KIAA1549: variants seen among roughly 807,000 people sequenced by gnomAD.
The protein encoded by KIAA1549 is UPF0606 protein KIAA1549.
In KIAA1549, 70 loss-of-function variants were observed where a neutral mutation model predicts 156.4. The ratio of observed to expected loss-of-function variants is 0.45; its 90% confidence interval spans 0.37 to 0.55. The LOEUF is 0.55. Among genes scored for constraint, KIAA1549 ranks in the 20% least tolerant of loss-of-function variants. The pLI is 0.00. For synonymous variants in KIAA1549, 1,103 were observed against 1,066.4 expected (o/e 1.03, Z -0.67); for missense variants, 2,428 against 2,540.9 (o/e 0.96, Z 0.96).
At position 138,837,011 on chromosome 7, in the gene KIAA1549, C is replaced by T. The variant is rs368544875; in HGVS notation, c.*895G>A. The T allele has an allele frequency of 8.9e-4, 203 of 228,948 alleles. No individual in the cohort carries two copies. Among genetic ancestry groups the T allele is most frequent in the African/African-American group, 3.0e-3 (137 of 45,230 alleles). The allele number at this position is 228,948 out of a possible 1,614,324, so 14.2% of individuals were successfully genotyped here. A position where few individuals can be genotyped will look rare whatever the true frequency, so the allele number is the denominator to read the frequency against. On this transcript the variant is annotated 3_prime_UTR_variant, in exon 20 of 20. Transcript: ENST00000422774. Reference sequence around the variant, plus strand: ...GGATCAGTTAGGACCTCTTGAAAGCCGCATTCTACAGGATCGGCCTTAGCG... The same window carrying T: ...GGATCAGTTAGGACCTCTTGAAAGCTGCATTCTACAGGATCGGCCTTAGCG...
chr7:138,938,084 C>A (rs540016549), intron 1 of KIAA1549, among the ~76,000 whole-genome samples: 3 of 152,220 alleles, frequency 2.0e-5, no homozygotes, highest in Admixed American at 6.5e-5. Flanking sequence ...GTGACTAGGT[C>A]ATGAGGGCCC....
chr7:138,907,163 T>A, intron 5 of KIAA1549, 61 bp from the exon 6 acceptor site: 2 of 1,322,728 alleles, frequency 1.5e-6, no homozygotes, highest in Non-Finnish European at 9.9e-7. Flanking sequence ...AGCTTAACCA[T>A]GATTTCTCTC....
Position 138,844,620 on chromosome 7 carries a change from T to C in KIAA1549, c.5295-146A>G, listed in dbSNP as rs896611570. 1.1e-5 allele frequency: 8 copies of C among 748,844 alleles called. No homozygotes were observed. The Admixed American group carries it at 2.5e-4, about 24-fold the overall frequency. 46.4% of individuals were successfully genotyped at this position (748,844 alleles called of 1,614,324 possible). ...CTCTCCTGGAAGGGGAAGAGATGTT[T>C]CTCCTGCTCCCTGAGGGAAGGGACT... On this transcript the variant is annotated intron_variant, in intron 17 of 19. Transcript: ENST00000422774.
chr7:138,935,069 C>G (rs1164795588), intron 1 of KIAA1549, among the ~76,000 whole-genome samples: 2 of 152,212 alleles, frequency 1.3e-5, no homozygotes, highest in African/African-American at 2.4e-5. Context: ...ATTTCCTCCT[C>G]TAAAGATGGA....
chr7:138,972,136 G>C (rs1814238200), intron 1 of KIAA1549, among the ~76,000 whole-genome samples: 1 of 151,976 alleles, frequency 6.6e-6, no homozygotes, highest in South Asian at 2.1e-4. Context: ...ACAGTCCTCT[G>C]GGAACTTTCT....
intron 9 of KIAA1549, among the ~76,000 whole-genome samples, chr7:138,898,529 C>G (rs921060106): frequency 1.2e-4 from 18 of 152,016 alleles, no homozygotes; most frequent in African/African-American, 3.9e-4. Context: ...TGAAGGAAAC[C>G]AATAAATTCA....
At chr7:138,910,938 AGG>A (rs1369979107) in intron 4 of KIAA1549, among the ~76,000 whole-genome samples, 1 of 152,088 alleles carries the variant, frequency 6.6e-6, no homozygotes, top group African/African-American at 2.4e-5. Flanking sequence ...AGGCTGAGGC[AGG>A]AGGATTGTTC....
intron 1 of KIAA1549, among the ~76,000 whole-genome samples, chr7:138,947,382 G>A (rs1482863877): frequency 3.9e-5 from 6 of 152,028 alleles, no homozygotes; most frequent in South Asian, 4.2e-4. Context: ...TGAAAAACCC[G>A]AAAACGCTGA....
intron 1 of KIAA1549, among the ~76,000 whole-genome samples, chr7:138,980,155 C>G (rs1371307255): frequency 6.6e-6 from 1 of 152,226 alleles, no homozygotes; most frequent in African/African-American, 2.4e-5. Context: ...TGCAGCAGCT[C>G]TCCACCCCTA....
At chr7:138,944,119 A>T (rs947407278) in intron 1 of KIAA1549, among the ~76,000 whole-genome samples, 6 of 151,300 alleles carry the variant, frequency 4.0e-5, no homozygotes, top group Non-Finnish European at 8.8e-5. Flanking sequence ...AGATTACCAT[A>T]TACTGTTATT....
In KIAA1549 at chr7:138,917,361, A is replaced by T. The variant is rs1389352756; in HGVS notation, c.2265T>A (p.Leu755=). 2 of 1,613,948 alleles carry T rather than the reference A, an allele frequency of 1.2e-6. No individual in the cohort carries two copies. Among genetic ancestry groups the T allele is most frequent in the South Asian group, 2.2e-5 (2 of 91,070 alleles). ...TSAFIETTSY[L]ESSLISHESA... ...ATTCATGGGAAATGAGTGAAGACTC[A>T]AGATAGGAGGTAGTTTCAATGAAAG... The change falls in exon 2 of 20, where the codon CTT becomes CTA. Residue 755 remains leucine (L), a synonymous_variant. Transcript: ENST00000422774.
Position 138,942,621 on chromosome 7 carries a change from A to T in KIAA1549, c.188-23183T>A, listed in dbSNP as rs188285083. Among the ~76,000 whole-genome samples, 3 of 152,068 alleles carry T rather than the reference A, an allele frequency of 2.0e-5. No individual in the cohort carries two copies. In the East Asian group the frequency reaches 5.8e-4, roughly 29 times the overall value. The stretch of plus-strand genomic sequence containing the variant: ...CATGCGCTCCCTTACCCGCAAAAGT[A>T]AGTTGGAGGCTGGGCACGGTGACTC... On this transcript the variant is annotated intron_variant, in intron 1 of 19. Coordinates refer to ENST00000422774, the MANE Select transcript of KIAA1549 (RefSeq NM_001164665.2).
At chr7:138,877,231 C>T (rs1413926903) in intron 12 of KIAA1549, among the ~76,000 whole-genome samples, 4 of 152,302 alleles carry the variant, frequency 2.6e-5, no homozygotes, top group Non-Finnish European at 4.4e-5. Flanking sequence ...TGGTGGCTCA[C>T]GCCTGTAATC....
chr7:138,933,706 C>G (rs543903860), intron 1 of KIAA1549, among the ~76,000 whole-genome samples: 13 of 152,242 alleles, frequency 8.5e-5, no homozygotes. Context: ...TGGCTCATGC[C>G]TGTAATCCCA....
intron 10 of KIAA1549, among the ~76,000 whole-genome samples, chr7:138,884,406 A>G (rs527397561): frequency 6.6e-6 from 1 of 152,330 alleles, no homozygotes; most frequent in Non-Finnish European, 1.5e-5. Context: ...TCTTGGCTGT[A>G]GCAGGAAGGG....
intron 1 of KIAA1549, among the ~76,000 whole-genome samples, chr7:138,937,719 G>A (rs1329686242): frequency 6.6e-6 from 1 of 152,172 alleles, no homozygotes; most frequent in Non-Finnish European, 1.5e-5. Flanking sequence ...GAATGGTGCG[G>A]GGTCACCAAG....
rs767652853 is a variant in KIAA1549 at position 138,919,352 on chromosome 7, C to T, written c.274G>A (p.Val92Met). The change falls in exon 2 of 20, where the codon GTG becomes ATG. Residue 92 changes from valine to methionine, a missense_variant. This residue lies in a region of KIAA1549 where 893 missense variants were observed against 847.9 expected (regional missense o/e 1.05). Coordinates refer to ENST00000422774, the MANE Select transcript of KIAA1549 (RefSeq NM_001164665.2). ...CCGGGAGCAGTTTCTGTTAAGGCCA[C>T]TTGTGCAGCGCTGTGCCCAGTGCTT... is the stretch of plus-strand genomic sequence containing the variant. ...KKSTGHSAAQVALTETAPGSQ... is the reference protein window; with the variant it reads ...KKSTGHSAAQMALTETAPGSQ... 11 of 1,614,028 alleles carry T rather than the reference C, an allele frequency of 6.8e-6. No homozygotes were observed. The highest frequency in any genetic ancestry group is 8.5e-6 in the Non-Finnish European group (10 of 1,179,906).
intron 1 of KIAA1549, among the ~76,000 whole-genome samples, chr7:138,940,139 T>C (rs1254505879): frequency 6.6e-6 from 1 of 152,206 alleles, no homozygotes; most frequent in Non-Finnish European, 1.5e-5. Flanking sequence ...ATATTAGGTA[T>C]ATCTCCCAAT....
rs868818292 is a variant in KIAA1549 at position 138,916,639 on chromosome 7, C to T, written c.2878+109G>A. The T allele has an allele frequency of 2.0e-6, 3 of 1,500,228 alleles. No homozygotes were observed. The South Asian group carries it at 4.1e-5, about 20-fold the overall frequency. The allele number at this position is 1,500,228 out of a possible 1,614,324, so 92.9% of individuals were successfully genotyped here. On this transcript the variant is annotated intron_variant, in intron 2 of 19. Transcript: ENST00000422774. The stretch of plus-strand genomic sequence containing the variant: ...GAGTACTACCTGGGAGTTAACTGAG[C>T]CCAGCGCCTCTGCTCTTAACCATGA...
Sources: gnomAD v4.1 joint callset for allele counts (sites outside exome capture counted in the v4.1 genomes callset) on GRCh38, gnomAD v4.1.1 for gene constraint, gnomAD v4.1.1 regional missense constraint, MANE v1.5 for transcripts, NCBI Gene and HGNC (gene_info 2026-07-23, HGNC 2026-07-21) for gene names.